The following HSF2 variants were observed in gnomAD, a reference collection of about 807,000 sequenced individuals.
HSF2 encodes heat shock transcription factor 2.
Under a neutral mutation model 65.0 loss-of-function variants are expected in HSF2, and 21 were observed. The observed-to-expected ratio is 0.32, with a 90% CI of 0.23 to 0.47. The LOEUF (loss-of-function observed/expected upper bound fraction) is 0.47. Ranked by LOEUF, HSF2 falls within the 20% of genes least tolerant of loss-of-function variation. HSF2 has a pLI of 1.00. For synonymous variants in HSF2, 225 were observed against 219.1 expected, an observed-to-expected ratio of 1.03 and a Z score of -0.24; for missense variants, 499 against 628.1, an observed-to-expected ratio of 0.79 and a Z score of 2.20.
chr6:122,430,643 A>G (rs900537076), intron 11 of HSF2, among the ~76,000 whole-genome samples: 1 of 152,136 alleles, frequency 6.6e-6, no homozygotes, highest in African/African-American at 2.4e-5. Flanking sequence ...CAGGGGAATT[A>G]CTGGAATTAG....
At chr6:122,416,720 G>C (rs1020185260) in intron 5 of HSF2, among the ~76,000 whole-genome samples, 1 of 152,076 alleles carries the variant, frequency 6.6e-6, no homozygotes, top group Non-Finnish European at 1.5e-5. Flanking sequence ...CAAATCAGTT[G>C]ACCAAATTAT....
At position 122,416,349 on chromosome 6, in the gene HSF2, G is replaced by T; in HGVS notation, c.531+53G>T. On this transcript the variant is annotated intron_variant, in intron 5 of 12. Coordinates refer to ENST00000368455, the MANE Select transcript of HSF2 (RefSeq NM_004506.4). The stretch of plus-strand genomic sequence containing the variant: ...AATTTGCATTTGTTTAATGAGTACT[G>T]TTTGTGACCCAAAAAGGTCTTTATT... The T allele has an allele frequency of 3.4e-6, 4 of 1,193,502 alleles. No individual in the cohort carries two copies. The South Asian group carries it at 5.0e-5, about 15-fold the overall frequency. 73.9% of individuals were successfully genotyped at this position (1,193,502 alleles called of 1,614,324 possible).
At chr6:122,404,099 G>C (rs768222145) in intron 1 of HSF2, among the ~76,000 whole-genome samples, 33 of 152,140 alleles carry the variant, frequency 2.2e-4, no homozygotes, top group Non-Finnish European at 3.7e-4. Context: ...TTCATACCCA[G>C]CTTTCCCCCC....
At chr6:122,414,433 AC>A (rs1324864566) in intron 4 of HSF2, among the ~76,000 whole-genome samples, 1 of 152,068 alleles carries the variant, frequency 6.6e-6, no homozygotes, top group African/African-American at 2.4e-5. Flanking sequence ...GGAACCTATA[AC>A]TTTGATTTCT....
intron 7 of HSF2, 139 bp from the exon 8 acceptor site, chr6:122,422,011 C>T (rs761018303): frequency 2.5e-5 from 15 of 606,828 alleles, no homozygotes; most frequent in South Asian, 1.1e-4. Flanking sequence ...ATGTAAGTTC[C>T]GTAAGAGCAG....
intron 10 of HSF2, among the ~76,000 whole-genome samples, chr6:122,426,259 C>G (rs1044417390): frequency 6.6e-6 from 1 of 152,108 alleles, no homozygotes; most frequent in African/African-American, 2.4e-5. Context: ...TACAGCTTCT[C>G]TCTGAAGAGT....
intron 1 of HSF2, among the ~76,000 whole-genome samples, chr6:122,410,443 A>G: frequency 6.6e-6 from 1 of 152,012 alleles, no homozygotes; most frequent in Non-Finnish European, 1.5e-5. Context: ...TACATAACAT[A>G]AAATTAACCA....
At chr6:122,416,459 C>T (rs1254602344) in intron 5 of HSF2, among the ~76,000 whole-genome samples, 163 bp downstream of exon 5, 1 of 152,192 alleles carries the variant, frequency 6.6e-6, no homozygotes, top group Non-Finnish European at 1.5e-5. Flanking sequence ...CCAAGTGTTA[C>T]ACATTTTTAA....
At chr6:122,430,170 GCCT>G (rs778553858) in intron 11 of HSF2, among the ~76,000 whole-genome samples, 1 of 152,038 alleles carries the variant, frequency 6.6e-6, no homozygotes, top group African/African-American at 2.4e-5. Context: ...ATTAATTACT[GCCT>G]CAATTTCAGA....
rs752722450 is a variant in HSF2, at chr6:122,399,872, C to T, written c.93+42C>T. On this transcript the variant is annotated intron_variant, in intron 1 of 12. Coordinates refer to ENST00000368455, the MANE Select transcript of HSF2 (RefSeq NM_004506.4). Reference sequence around the variant, plus strand: ...GCGGCCTCTGAACCCCCTGAATAACCGCCTCCTCACTCGCTCTCCTGCGGG... The same window carrying T: ...GCGGCCTCTGAACCCCCTGAATAACTGCCTCCTCACTCGCTCTCCTGCGGG... 48 of 1,400,410 alleles carry T rather than the reference C, an allele frequency of 3.4e-5. No homozygotes were observed. In the East Asian group the frequency reaches 1.1e-3, roughly 32 times the overall value. 86.7% of individuals were successfully genotyped at this position (1,400,410 alleles called of 1,614,324 possible).
chr6:122,423,357 G>A (rs112782625), intron 9 of HSF2, among the ~76,000 whole-genome samples: 212 of 152,180 alleles, frequency 1.4e-3, no homozygotes, highest in African/African-American at 4.9e-3. Flanking sequence ...GTTCTGCAGG[G>A]TGTGTTTTTC....
At chr6:122,413,066 A>G (rs946552723) in intron 3 of HSF2, among the ~76,000 whole-genome samples, 16 of 151,896 alleles carry the variant, frequency 1.1e-4, no homozygotes, top group Admixed American at 1.3e-4. Context: ...CATAGTAGGC[A>G]TTCAGAAATA....
rs1387463986 is a variant in HSF2 at position 122,430,112 on chromosome 6, A to G, written c.1231-1318A>G. Among the ~76,000 whole-genome samples the G allele has an allele frequency of 2.0e-5, 3 of 152,150 alleles. No homozygotes were observed. In the East Asian group the frequency reaches 5.8e-4, roughly 29 times the overall value. Reference sequence around the variant, plus strand: ...CGCTCCTCTTTGTACCTCTGGTAGAATTCAGCTGTGAATCCGTCTGGTCCT... The same window carrying G: ...CGCTCCTCTTTGTACCTCTGGTAGAGTTCAGCTGTGAATCCGTCTGGTCCT... On this transcript the variant is annotated intron_variant, in intron 11 of 12. Transcript: ENST00000368455.
chr6:122,405,295 A>C (rs963840025), intron 1 of HSF2, among the ~76,000 whole-genome samples: 3 of 151,936 alleles, frequency 2.0e-5, no homozygotes, highest in African/African-American at 4.8e-5. Context: ...AGCAAAACAC[A>C]ATCAATATAA....
At chr6:122,419,348 C>T in intron 6 of HSF2, 119 bp downstream of exon 6, 1 of 520,594 alleles carries the variant, frequency 1.9e-6, no homozygotes. Flanking sequence ...GAACAATTCT[C>T]CTTTGTTAAA....
chr6:122,415,832 G>A (rs1019012729), intron 4 of HSF2, among the ~76,000 whole-genome samples: 2 of 152,016 alleles, frequency 1.3e-5, no homozygotes, highest in Non-Finnish European at 2.9e-5. Flanking sequence ...TGGCCAACAT[G>A]GCAAAACCCC....
intron 5 of HSF2, among the ~76,000 whole-genome samples, chr6:122,416,955 G>C (rs1774141285): frequency 6.6e-6 from 1 of 152,008 alleles, no homozygotes; most frequent in South Asian, 2.1e-4. Flanking sequence ...GCTATTTTTT[G>C]CTCATGAGTA....
intron 5 of HSF2, among the ~76,000 whole-genome samples, chr6:122,417,917 T>A (rs502071): frequency 6.6e-6 from 1 of 151,958 alleles, no homozygotes; most frequent in Non-Finnish European, 1.5e-5. Flanking sequence ...CAATTTAGTG[T>A]CTACCCTCCT....
At chr6:122,415,187 A>G (rs1774095641) in intron 4 of HSF2, among the ~76,000 whole-genome samples, 1 of 152,220 alleles carries the variant, frequency 6.6e-6, no homozygotes, top group African/African-American at 2.4e-5. Context: ...TGAACGAAGA[A>G]GAAGCTATTC....
Sources: allele counts gnomAD v4.1 joint callset (sites outside exome capture counted in the v4.1 genomes callset), GRCh38; gene constraint gnomAD v4.1.1; transcripts MANE v1.5; gene names NCBI Gene and HGNC (gene_info 2026-07-23, HGNC 2026-07-21).